IL2RA: variants seen among roughly 807,000 people sequenced by gnomAD.
The protein encoded by IL2RA is interleukin-2 receptor subunit alpha.
In IL2RA, 24 loss-of-function variants were observed where a neutral mutation model predicts 37.8. The observed-to-expected ratio is 0.63, with a 90% CI of 0.46 to 0.89. IL2RA has a LOEUF of 0.89. Ranked by LOEUF, IL2RA falls within the 40% of genes least tolerant of loss-of-function variation. IL2RA has a pLI of 0.00. For synonymous variants in IL2RA, 125 were observed against 114.6 expected, an observed-to-expected ratio of 1.09 and a Z score of -0.58; for missense variants, 319 against 348.6, an observed-to-expected ratio of 0.92 and a Z score of 0.68.
At position 6,044,173 on chromosome 10, in the gene IL2RA, T is replaced by C. The variant is rs571657340; in HGVS notation, c.64+17915A>G. On this transcript the variant is annotated intron_variant, in intron 1 of 7. Transcript: ENST00000379959. This position sits in a 1 kb window ranked among gnomAD's most constrained non-coding sequence, Gnocchi z 4.5. ...TAGAGCATCTTCCTAGAGAAGGTGG[T>C]AGTGATGCAGGACAAGCGAGCCCCG... Among the ~76,000 whole-genome samples, 1 of 152,276 alleles carries C rather than the reference T, an allele frequency of 6.6e-6. No individual in the cohort carries two copies. The highest frequency in any genetic ancestry group is 6.5e-5 in the Admixed American group (1 of 15,292).
rs554726140 is a variant in IL2RA at position 6,026,067 on chromosome 10, A to G, written c.65-42T>C. The G allele has an allele frequency of 5.1e-6, 8 of 1,574,522 alleles. No individual in the cohort carries two copies. In the South Asian group the frequency reaches 7.8e-5, roughly 15 times the overall value. On this transcript the variant is annotated intron_variant, in intron 1 of 7. Transcript: ENST00000379959. ...GCCTATTAGGAACTCAAGAGGCCCC[A>G]GGCAAGTACTCACATATTTAATCCT...
At chr10:6,019,758 G>T in intron 5 of IL2RA, 112 bp downstream of exon 5, 1 of 1,010,682 alleles carries the variant, frequency 9.9e-7, no homozygotes, top group Non-Finnish European at 1.6e-6. Context: ...GGAGGCTGCT[G>T]TGGGCTTCTC....
Position 6,029,242 on chromosome 10 carries a change from G to A in IL2RA, c.65-3217C>T, listed in dbSNP as rs1401983145. Reference sequence around the variant, plus strand: ...TGCAATGGTGCAATCTTGACTCACTGCAACCTCTGCCCCCCGGGTTCAAGC... The same window carrying A: ...TGCAATGGTGCAATCTTGACTCACTACAACCTCTGCCCCCCGGGTTCAAGC... On this transcript the variant is annotated intron_variant, in intron 1 of 7. Transcript: ENST00000379959. This position sits in a 1 kb window ranked among gnomAD's most constrained non-coding sequence, Gnocchi z 4.6. Among the ~76,000 whole-genome samples the A allele has an allele frequency of 1.3e-5, 2 of 150,858 alleles. No homozygotes were observed. The highest frequency in any genetic ancestry group is 4.2e-4 in the South Asian group (2 of 4,782).
Position 6,019,466 on chromosome 10 carries a change from A to G in IL2RA, c.689T>C (p.Met230Thr). 1 of 1,613,722 alleles carries G rather than the reference A, an allele frequency of 6.2e-7. No homozygotes were observed. Among genetic ancestry groups the G allele is most frequent in the East Asian group, 2.2e-5 (1 of 44,888 alleles). Residue 230 changes from methionine (M) to threonine (T), a missense_variant, in exon 6 of 8, where the codon ATG (methionine) becomes ACG (threonine). By Grantham distance (81) the Met-to-Thr change is moderately conservative. Transcript: ENST00000379959. ...CTCTGTTGTAAATATGGACGTCTCC[A>G]TGGTTGCAGCCATTTCTGTCTGTAT... ...FQIQTEMAAT[M>T]ETSIFTTEYQ... is the part of the protein sequence containing the mutation.
chr10:6,060,007 T>C (rs1840099944), intron 1 of IL2RA, among the ~76,000 whole-genome samples: 1 of 152,132 alleles, frequency 6.6e-6, no homozygotes, highest in Admixed American at 6.5e-5. Flanking sequence ...AAGGAGTCCT[T>C]ATGGGACTCT....
rs886047070 is a variant in IL2RA at position 6,010,694 on chromosome 10, A to T, written c.*2178T>A. 30 of 152,230 alleles carry T rather than the reference A, an allele frequency of 2.0e-4. 1 individual carries two copies. Among genetic ancestry groups the T allele is most frequent in the East Asian group, 1.3e-3 (7 of 5,194 alleles). The allele number at this position is 152,230 out of a possible 1,614,324, so 9.4% of individuals were successfully genotyped here. ...TTTATAATAAAAACCAAGACTTTTT[A>T]AAAAATATCATTTATTCTTTTATAA... On this transcript the variant is annotated 3_prime_UTR_variant, in exon 8 of 8. Transcript: ENST00000379959.
In IL2RA at chr10:6,028,750, C is replaced by A. The variant is rs1393997983; in HGVS notation, c.65-2725G>T. ...TGGTGGCTCATGCCTGTAATCCCAG[C>A]ACTTTGGGGCGACAAGGCAGGCGGA... is the stretch of plus-strand genomic sequence containing the variant. On this transcript the variant is annotated intron_variant, in intron 1 of 7. Transcript: ENST00000379959. The surrounding 1 kb of genome is among the most constrained non-coding windows in gnomAD (Gnocchi z 4.1). 1.3e-5 allele frequency among the ~76,000 whole-genome samples: 2 copies of A among 152,192 alleles called. No individual in the cohort carries two copies.
intron 6 of IL2RA, among the ~76,000 whole-genome samples, chr10:6,019,007 A>C (rs890619423): frequency 6.0e-5 from 9 of 150,564 alleles, no homozygotes; most frequent in South Asian, 2.1e-4. Flanking sequence ...TACCACCCTA[A>C]CAACCAACCT....
rs72650659 is a variant in IL2RA at position 6,062,244 on chromosome 10, C to T, written c.-93G>A. ...CGTCAGCCTCTTTTTGGCATCGCGC[C>T]GGAGGATGTGGGATGGGAAGATCGG... On this transcript the variant is annotated 5_prime_UTR_variant, in exon 1 of 8. Transcript: ENST00000379959. The T allele has an allele frequency of 3.7e-6, 4 of 1,088,848 alleles. No homozygotes were observed. Among genetic ancestry groups the T allele is most frequent in the African/African-American group, 3.1e-5 (2 of 64,598 alleles). The allele number at this position is 1,088,848 out of a possible 1,614,324, so 67.4% of individuals were successfully genotyped here. A position where few individuals can be genotyped will look rare whatever the true frequency, so the allele number is the denominator to read the frequency against.
chr10:6,037,348 T>TA (rs1163368437), intron 1 of IL2RA, among the ~76,000 whole-genome samples: 1 of 152,076 alleles, frequency 6.6e-6, no homozygotes, highest in Non-Finnish European at 1.5e-5. Flanking sequence ...AGGGGGCTGA[T>TA]AAAGATGTGG....
intron 3 of IL2RA, among the ~76,000 whole-genome samples, chr10:6,023,601 G>A (rs1369764412): frequency 6.6e-6 from 1 of 152,224 alleles, no homozygotes; most frequent in Admixed American, 6.5e-5. Context: ...CTCCCACAGT[G>A]CTGGGATTAC....
chr10:6,030,576 A>G (rs771592201), intron 1 of IL2RA, among the ~76,000 whole-genome samples: 22 of 152,216 alleles, frequency 1.4e-4, no homozygotes, highest in Non-Finnish European at 2.9e-4. Context: ...AATTTAGTAT[A>G]TTTTCAGATA....
intron 1 of IL2RA, among the ~76,000 whole-genome samples, chr10:6,032,646 T>C (rs1484908006): frequency 2.7e-5 from 4 of 146,464 alleles, no homozygotes; most frequent in African/African-American, 1.0e-4. Flanking sequence ...TGAGCCCAGA[T>C]CGCGTCACTG....
rs985441842 is a variant in IL2RA, at chr10:6,056,626, C to T, written c.64+5462G>A. The stretch of plus-strand genomic sequence containing the variant: ...AAAAGGAGCCAGGCATGGTGGTGCA[C>T]ACCTGTAATCCCAGCTACTCAGGAG... On this transcript the variant is annotated intron_variant, in intron 1 of 7. Coordinates refer to ENST00000379959, the MANE Select transcript of IL2RA (RefSeq NM_000417.3). This position sits in a 1 kb window ranked among gnomAD's most constrained non-coding sequence, Gnocchi z 5.0. Among the ~76,000 whole-genome samples, 2 of 152,036 alleles carry T rather than the reference C, an allele frequency of 1.3e-5. No homozygotes were observed. The highest frequency in any genetic ancestry group is 1.5e-5 in the Non-Finnish European group (1 of 68,014).
At chr10:6,027,538 C>T (rs1477849369) in intron 1 of IL2RA, among the ~76,000 whole-genome samples, 1 of 152,204 alleles carries the variant, frequency 6.6e-6, no homozygotes, top group Non-Finnish European at 1.5e-5. Context: ...CTTCTAGCTC[C>T]AGCAGCTTAC....
In IL2RA at chr10:6,044,892, G is replaced by A. The variant is rs1477915303; in HGVS notation, c.64+17196C>T. Among the ~76,000 whole-genome samples, 1 of 152,300 alleles carries A rather than the reference G, an allele frequency of 6.6e-6. No homozygotes were observed. Among genetic ancestry groups the A allele is most frequent in the East Asian group, 1.9e-4 (1 of 5,190 alleles). On this transcript the variant is annotated intron_variant, in intron 1 of 7. Transcript: ENST00000379959. The surrounding 1 kb of genome is among the most constrained non-coding windows in gnomAD (Gnocchi z 4.5). ...AGTTGAGTGTATTAGCATTAGCACT[G>A]GTGCTGTTACCCATTGATTGGTTCA...
At chr10:6,061,992 G>A in intron 1 of IL2RA, 96 bp downstream of exon 1, 9 of 1,052,030 alleles carry the variant, frequency 8.6e-6, no homozygotes, top group South Asian at 2.6e-5. Context: ...TCCCTTCTTG[G>A]AACCATCTAC....
intron 1 of IL2RA, among the ~76,000 whole-genome samples, chr10:6,051,510 TATA>T (rs559597640): frequency 1.2e-3 from 156 of 134,408 alleles, no homozygotes; most frequent in African/African-American, 2.4e-3. Context: ...TATATATATA[TATA>T]TATATTTTTT....
intron 1 of IL2RA, among the ~76,000 whole-genome samples, chr10:6,034,295 A>C (rs1839645500): frequency 6.6e-6 from 1 of 152,196 alleles, no homozygotes; most frequent in Admixed American, 6.5e-5. Context: ...CTCAGTAACC[A>C]CTAAAGAGCT....
Sources: allele counts gnomAD v4.1 joint callset (sites outside exome capture counted in the v4.1 genomes callset), GRCh38; gene constraint gnomAD v4.1.1; non-coding constraint Gnocchi (gnomAD v3.1); transcripts MANE v1.5; gene names NCBI Gene and HGNC (gene_info 2026-07-23, HGNC 2026-07-21).